Variants in AFG2A observed in about 807,000 individuals in gnomAD.
AFG2A encodes the protein AAA ATPase AFG2A.
chr4:123,121,833 A>T, the AFG2A span, among the ~76,000 whole-genome samples: 1 of 152,218 alleles, frequency 6.6e-6, no homozygotes, highest in African/African-American at 2.4e-5. Context: ...TTTGAGTCAA[A>T]TTCCATAGAC....
the AFG2A span, among the ~76,000 whole-genome samples, chr4:123,190,091 C>T: frequency 5.3e-5 from 8 of 152,156 alleles, no homozygotes; most frequent in East Asian, 9.7e-4. Flanking sequence ...TGAGACACCA[C>T]GCCCAGCTTC....
chr4:123,038,603 A>G, the AFG2A span, among the ~76,000 whole-genome samples: 18 of 152,224 alleles, frequency 1.2e-4, no homozygotes, highest in African/African-American at 4.1e-4. Context: ...CCAATGCAAC[A>G]TACGAGTTCA....
chr4:123,256,553 A>G, the AFG2A span, among the ~76,000 whole-genome samples: 2 of 152,300 alleles, frequency 1.3e-5, no homozygotes, highest in South Asian at 4.1e-4. Flanking sequence ...TGATACTACT[A>G]CCTTCCCTCC....
the AFG2A span, among the ~76,000 whole-genome samples, chr4:123,190,895 C>T: frequency 6.6e-6 from 1 of 152,182 alleles, no homozygotes; most frequent in Non-Finnish European, 1.5e-5. Context: ...TGCAGTATTA[C>T]AGAGGGGCTC....
chr4:123,170,401 A>G, the AFG2A span, among the ~76,000 whole-genome samples: 1 of 152,208 alleles, frequency 6.6e-6, no homozygotes, highest in Non-Finnish European at 1.5e-5. Flanking sequence ...TTGCCTGCAT[A>G]TAAGAAGGAG....
chr4:123,286,709 T>TG, the AFG2A span, among the ~76,000 whole-genome samples: 1 of 152,172 alleles, frequency 6.6e-6, no homozygotes, highest in South Asian at 2.1e-4. Context: ...AACCTATAAC[T>TG]GCTTTGTTTG....
At chr4:123,150,398 C>A in the AFG2A span, among the ~76,000 whole-genome samples, 1 of 152,152 alleles carries the variant, frequency 6.6e-6, no homozygotes, top group African/African-American at 2.4e-5. Context: ...CCCAAAAACT[C>A]CTTAAGCTGA....
chr4:122,953,266 A>C, the AFG2A span, among the ~76,000 whole-genome samples: 1 of 152,196 alleles, frequency 6.6e-6, no homozygotes, highest in Non-Finnish European at 1.5e-5. Flanking sequence ...GTATTCCAAG[A>C]TGGGAGCTAT....
chr4:123,253,871 G>A, the AFG2A span, among the ~76,000 whole-genome samples: 1 of 152,066 alleles, frequency 6.6e-6, no homozygotes, highest in African/African-American at 2.4e-5. Flanking sequence ...TCCTTGATCG[G>A]TCTTTGGTAT....
the AFG2A span, among the ~76,000 whole-genome samples, chr4:123,246,702 A>G: frequency 2.0e-5 from 3 of 152,150 alleles, no homozygotes; most frequent in Non-Finnish European, 4.4e-5. Context: ...GAAGGAAACA[A>G]TATCTTAAGC....
the AFG2A span, among the ~76,000 whole-genome samples, chr4:123,241,293 T>C: frequency 6.6e-6 from 1 of 152,174 alleles, no homozygotes; most frequent in Non-Finnish European, 1.5e-5. Context: ...GAGGCCAGCA[T>C]CATCCTAATA....
At chr4:123,222,033 T>C in the AFG2A span, among the ~76,000 whole-genome samples, 1 of 152,232 alleles carries the variant, frequency 6.6e-6, no homozygotes, top group Non-Finnish European at 1.5e-5. Flanking sequence ...TGGATTATGA[T>C]GTAATTAGAC....
At chr4:123,281,813 T>C in the AFG2A span, among the ~76,000 whole-genome samples, 14 of 152,182 alleles carry the variant, frequency 9.2e-5, no homozygotes, top group East Asian at 2.3e-3. Context: ...CTTAAATATA[T>C]ATGACTAAAT....
At chr4:123,318,080 C>T in the AFG2A span, 2 of 152,144 alleles carry the variant, frequency 1.3e-5, no homozygotes, top group Non-Finnish European at 2.9e-5. Flanking sequence ...GGCCTTAAAC[C>T]AATACAGTCA....
At chr4:123,027,686 C>T in the AFG2A span, among the ~76,000 whole-genome samples, 1 of 152,100 alleles carries the variant, frequency 6.6e-6, no homozygotes, top group Non-Finnish European at 1.5e-5. Flanking sequence ...CTGTCTTGTT[C>T]TGGGGGTATT....
chr4:123,200,371 A>G, the AFG2A span, among the ~76,000 whole-genome samples: 1 of 152,212 alleles, frequency 6.6e-6, no homozygotes, highest in East Asian at 1.9e-4. Context: ...CTCTTCCTGT[A>G]TGTCATCTTG....
chr4:123,060,286 G>A, the AFG2A span, among the ~76,000 whole-genome samples: 2 of 152,240 alleles, frequency 1.3e-5, no homozygotes, highest in African/African-American at 4.8e-5. Context: ...GCTCCACTAG[G>A]TGGTGCCCCA....
chr4:123,037,270 G>A, the AFG2A span, among the ~76,000 whole-genome samples: 4 of 151,996 alleles, frequency 2.6e-5, no homozygotes, highest in African/African-American at 9.7e-5. Context: ...ACAGTAAAAA[G>A]ATAAGTCAGG....
the AFG2A span, among the ~76,000 whole-genome samples, chr4:123,309,164 AG>A: frequency 5.3e-5 from 8 of 152,198 alleles, no homozygotes; most frequent in Non-Finnish European, 1.0e-4. Flanking sequence ...CAGAAATAGG[AG>A]GGGAAGAGTT....
Sources: allele counts gnomAD v4.1 joint callset (sites outside exome capture counted in the v4.1 genomes callset), GRCh38; gene constraint gnomAD v4.1.1; transcripts MANE v1.5; gene names NCBI Gene and HGNC (gene_info 2026-07-23, HGNC 2026-07-21).